The following EXTL3 variants were observed in gnomAD, a reference collection of about 807,000 sequenced individuals.
The protein encoded by EXTL3 is exostosin-like 3.
In EXTL3, 27 loss-of-function variants were observed where a neutral mutation model predicts 69.3. The observed-to-expected ratio is 0.39, with a 90% CI of 0.29 to 0.54. The LOEUF (loss-of-function observed/expected upper bound fraction) is 0.54. Ranked by LOEUF, EXTL3 falls within the 20% of genes least tolerant of loss-of-function variation. EXTL3 has a pLI of 0.69. For synonymous variants in EXTL3, 511 were observed against 499.4 expected (o/e 1.02, Z -0.31); for missense variants, 1,003 against 1,231.8 (o/e 0.81, Z 2.78).
intron 3 of EXTL3, among the ~76,000 whole-genome samples, chr8:28,723,215 A>G (rs1485470276): frequency 6.6e-6 from 1 of 152,184 alleles, no homozygotes; most frequent in Admixed American, 6.5e-5. Context: ...GCCAGCAGGA[A>G]AAACCTTGTC....
chr8:28,709,599 A>T (rs934874860), intron 1 of EXTL3, among the ~76,000 whole-genome samples: 1 of 152,174 alleles, frequency 6.6e-6, no homozygotes, highest in African/African-American at 2.4e-5. Context: ...AAAAAAATTT[A>T]CAGTTTTATT....
intron 1 of EXTL3, among the ~76,000 whole-genome samples, chr8:28,687,198 G>T (rs1371737807): frequency 6.6e-6 from 1 of 152,244 alleles, no homozygotes; most frequent in African/African-American, 2.4e-5. Flanking sequence ...GGTTGCGGTG[G>T]CTCACGCCTG....
chr8:28,719,113 G>A (rs968874420), intron 3 of EXTL3, among the ~76,000 whole-genome samples: 5 of 152,142 alleles, frequency 3.3e-5, no homozygotes, highest in South Asian at 2.1e-4. Context: ...TGGGCCACAC[G>A]TTGCTAGAAG....
At position 28,623,154 on chromosome 8, in the gene EXTL3, G is replaced by T. The variant is rs1345889060; in HGVS notation, c.-53+344G>T. 6.6e-6 allele frequency among the ~76,000 whole-genome samples: 1 copy of T among 152,022 alleles called. No individual in the cohort carries two copies. The highest frequency in any genetic ancestry group is 1.5e-5 in the Non-Finnish European group (1 of 67,974). ...ACTGGGAGAGTGTGGCTGTCGGCAG[G>T]GGTCCGTATCACACTGTGGGCGGGG... is the stretch of plus-strand genomic sequence containing the variant. On this transcript the variant is annotated intron_variant, in intron 1 of 6. Transcript: ENST00000523149. This position sits in a 1 kb window ranked among gnomAD's most constrained non-coding sequence, Gnocchi z 4.2.
intron 2 of EXTL3, among the ~76,000 whole-genome samples, chr8:28,713,932 A>G (rs1325590108): frequency 2.8e-5 from 2 of 70,496 alleles, no homozygotes; most frequent in African/African-American, 6.1e-5. Context: ...TTGAGATGGT[A>G]TTTCACTCTT....
At chr8:28,704,832 G>A (rs942870104) in intron 1 of EXTL3, among the ~76,000 whole-genome samples, 4 of 152,124 alleles carry the variant, frequency 2.6e-5, no homozygotes, top group East Asian at 1.9e-4. Context: ...CACCACACCC[G>A]GCTAATTTTG....
intron 1 of EXTL3, among the ~76,000 whole-genome samples, chr8:28,662,259 A>G (rs903424181): frequency 1.3e-5 from 2 of 152,030 alleles, no homozygotes; most frequent in African/African-American, 4.8e-5. Flanking sequence ...CACTTCCCAC[A>G]CAGCTTTTCC....
chr8:28,731,368 A>C lies in EXTL3; in HGVS notation c.2276+18A>C. The C allele has an allele frequency of 6.2e-7, 1 of 1,614,188 alleles. No individual in the cohort carries two copies. Among genetic ancestry groups the C allele is most frequent in the Middle Eastern group, 1.6e-4 (1 of 6,062 alleles). The stretch of plus-strand genomic sequence containing the variant: ...GGGTTCCGGTGAGAGACTAATTTCC[A>C]ATCAAAACTTTAGGTTGCAAGTGAC... On this transcript the variant is annotated intron_variant, in intron 4 of 6. Coordinates refer to ENST00000220562, the MANE Select transcript of EXTL3 (RefSeq NM_001440.4).
chr8:28,700,650 G>A (rs143309400), upstream of EXTL3: 2 of 152,262 alleles, frequency 1.3e-5, no homozygotes, highest in East Asian at 3.9e-4. Flanking sequence ...GAAGCCCTGT[G>A]TTCTGGGTAT....
chr8:28,629,988 G>T (rs138437325), intron 1 of EXTL3, among the ~76,000 whole-genome samples: 9 of 152,180 alleles, frequency 5.9e-5, no homozygotes, highest in Admixed American at 1.3e-4. Context: ...GGCCTCTAAG[G>T]ATAAAGCCAG....
chr8:28,634,234 CAAG>C (rs1806617299), intron 1 of EXTL3, among the ~76,000 whole-genome samples: 1 of 152,278 alleles, frequency 6.6e-6, no homozygotes, highest in African/African-American at 2.4e-5. Flanking sequence ...TAAGCTAAAT[CAAG>C]GAGGAGAAAT....
At position 28,754,060 on chromosome 8, in the gene EXTL3, G is replaced by GTGTGTGTGTGTGTA. The variant is rs369285182; in HGVS notation, c.*3195_*3196insGTGTGTGTGTGTAT. On this transcript the variant is annotated 3_prime_UTR_variant, in exon 7 of 7. Coordinates refer to ENST00000220562, the MANE Select transcript of EXTL3 (RefSeq NM_001440.4). ...TGTGTGTGTGTGTGTGTGTGTGTGT[G>GTGTGTGTGTGTGTA]TAGTGGTTGTGGGGAGCTGTGTGTG... The GTGTGTGTGTGTGTA allele has an allele frequency of 6.7e-4, 102 of 152,578 alleles. No individual in the cohort carries two copies. Among genetic ancestry groups the GTGTGTGTGTGTGTA allele is most frequent in the Admixed American group, 1.5e-3 (23 of 15,278 alleles). The allele number at this position is 152,578 out of a possible 1,614,324, so 9.5% of individuals were successfully genotyped here. A position where few individuals can be genotyped will look rare whatever the true frequency, so the allele number is the denominator to read the frequency against.
Position 28,689,504 on chromosome 8 carries a change from A to G in EXTL3, c.-52-23953A>G, listed in dbSNP as rs143519309. Among the ~76,000 whole-genome samples the G allele has an allele frequency of 4.5e-3, 690 of 152,234 alleles. 5 individuals carry two copies. The highest frequency in any genetic ancestry group is 0.02 in the Middle Eastern group (6 of 294). ...ATTCTAAGTCATTCTCTCTTTTTCC[A>G]TACTTCAAATGTCATTTCAAAGTAG... On this transcript the variant is annotated intron_variant, in intron 1 of 6. Transcript: ENST00000523149.
intron 1 of EXTL3, chr8:28,685,867 T>C (rs990538060): frequency 3.3e-5 from 5 of 151,596 alleles, no homozygotes; most frequent in Non-Finnish European, 7.4e-5. Context: ...TATTTTTTAT[T>C]TTTATTTTTT....
chr8:28,688,143 C>T (rs1365299123), intron 1 of EXTL3, among the ~76,000 whole-genome samples: 2 of 150,412 alleles, frequency 1.3e-5, no homozygotes. Flanking sequence ...CTCACTGCAA[C>T]CTCTGCCTCC....
chr8:28,726,230 A>G (rs1206194763), intron 3 of EXTL3, among the ~76,000 whole-genome samples: 1 of 152,218 alleles, frequency 6.6e-6, no homozygotes, highest in Non-Finnish European at 1.5e-5. Context: ...CTGGGATTAC[A>G]GGCGTGAGCC....
chr8:28,717,734 A>G lies in EXTL3; in HGVS notation c.1675A>G (p.Lys559Glu). The change falls in exon 3 of 7, where the codon AAG (lysine) becomes GAG (glutamate). Residue 559 changes from lysine to glutamate, a missense_variant. Physicochemically the swap from Lys to Glu is moderately conservative, Grantham distance 56. This residue lies in a region of EXTL3 where 742 missense variants were observed against 815.4 expected (regional missense o/e 0.91). Transcript: ENST00000220562. This position sits in a 1 kb window ranked among gnomAD's most constrained non-coding sequence, Gnocchi z 8.3. ...AGCTGAGATCCCCCACCGTTCAGGC[A>G]AGGCGGCTGGAACTGACCCCAACAT... is the stretch of plus-strand genomic sequence containing the variant. Reference protein sequence around the residue: ...AAAEIPHRSGKAAGTDPNMAD... With the variant: ...AAAEIPHRSGEAAGTDPNMAD... 1 of 1,614,246 alleles carries G rather than the reference A, an allele frequency of 6.2e-7. No homozygotes were observed. The highest frequency in any genetic ancestry group is 8.5e-7 in the Non-Finnish European group (1 of 1,180,048).
intron 1 of EXTL3, among the ~76,000 whole-genome samples, chr8:28,684,472 A>T (rs879383309): frequency 2.0e-5 from 3 of 152,116 alleles, no homozygotes; most frequent in African/African-American, 7.2e-5. Flanking sequence ...ACGATGCATG[A>T]TGGCTCACCC....
At chr8:28,643,426 C>CTTTTTTTTTTTTTTTTTT (rs138680672) in intron 1 of EXTL3, among the ~76,000 whole-genome samples, 17 of 143,970 alleles carry the variant, frequency 1.2e-4, no homozygotes, top group African/African-American at 1.6e-4. Context: ...TTCTTTTTTT[C>CTTTTTTTTTTTTTTTTTT]TTTTTTGAGA....
Sources: allele counts gnomAD v4.1 joint callset (sites outside exome capture counted in the v4.1 genomes callset), GRCh38; gene constraint gnomAD v4.1.1; regional missense constraint gnomAD v4.1.1; non-coding constraint Gnocchi (gnomAD v3.1); transcripts MANE v1.5; gene names NCBI Gene and HGNC (gene_info 2026-07-23, HGNC 2026-07-21).